OPCML: variants seen among roughly 807,000 people sequenced by gnomAD.
The protein encoded by OPCML is opioid binding protein/cell adhesion molecule like, also known as opioid-binding protein/cell adhesion molecule.
In OPCML, 13 loss-of-function variants were observed where a neutral mutation model predicts 37.8. The observed-to-expected ratio is 0.34, with a 90% CI of 0.22 to 0.55. The LOEUF is 0.55. OPCML is among the 20% of genes least tolerant of loss of function. The pLI, the probability that OPCML is intolerant of heterozygous loss-of-function variation, is 0.91. For synonymous variants in OPCML, 176 were observed against 168.8 expected (o/e 1.04, Z -0.33); for missense variants, 341 against 435.6 (o/e 0.78, Z 1.93).
chr11:133,446,614 A>G (rs547540642), intron 1 of OPCML, among the ~76,000 whole-genome samples: 1 of 152,284 alleles, frequency 6.6e-6, no homozygotes, highest in African/African-American at 2.4e-5. Context: ...GTAAATTTAT[A>G]GAGTTGTGCA....
At chr11:133,422,005 A>G in intron 1 of OPCML, 1 of 358,782 alleles carries the variant, frequency 2.8e-6, no homozygotes, top group South Asian at 1.1e-4. Flanking sequence ...TCTGGGGTAC[A>G]TGTGCAGAAT....
In OPCML at chr11:133,009,280, T is replaced by C. The variant is rs571782575; in HGVS notation, c.62-66270A>G. The C allele has an allele frequency of 2.4e-4, 227 of 965,100 alleles. 4 individuals are homozygous for C. The South Asian group carries it at 9.4e-3, about 40-fold the overall frequency. 59.8% of individuals were successfully genotyped at this position (965,100 alleles called of 1,614,324 possible). A position where few individuals can be genotyped will look rare whatever the true frequency, so the allele number is the denominator to read the frequency against. On this transcript the variant is annotated intron_variant, in intron 1 of 7. Transcript: ENST00000524381. ...ATACTTGCTTGTTAAAATGCAATGG[T>C]ACATATTTGGAAGAGCTGGCTAAGG...
intron 1 of OPCML, among the ~76,000 whole-genome samples, chr11:133,207,397 A>G (rs1467445806): frequency 2.0e-5 from 3 of 152,180 alleles, no homozygotes; most frequent in Non-Finnish European, 4.4e-5. Context: ...GGAGGGTAAC[A>G]ATTGAATATC....
intron 2 of OPCML, among the ~76,000 whole-genome samples, chr11:132,735,647 C>A (rs554200254): frequency 1.4e-4 from 21 of 152,036 alleles, no homozygotes; most frequent in Non-Finnish European, 2.6e-4. Flanking sequence ...CTACGCCCGA[C>A]TAATTTTTTG....
At chr11:132,868,388 G>A (rs758777896) in intron 2 of OPCML, among the ~76,000 whole-genome samples, 2 of 142,318 alleles carry the variant, frequency 1.4e-5, no homozygotes, top group Non-Finnish European at 3.0e-5. Flanking sequence ...AAAAGAAAAT[G>A]TTGTGAATTA....
chr11:133,434,828 A>ACG (rs1234881823), intron 1 of OPCML, among the ~76,000 whole-genome samples: 1 of 147,066 alleles, frequency 6.8e-6, no homozygotes, highest in Non-Finnish European at 1.5e-5. Flanking sequence ...ATATATACAC[A>ACG]CACATATATA....
chr11:132,439,826 G>C (rs933191735), intron 4 of OPCML, among the ~76,000 whole-genome samples: 4 of 151,786 alleles, frequency 2.6e-5, no homozygotes, highest in Non-Finnish European at 5.9e-5. Flanking sequence ...AAATTGCATT[G>C]CATTTAACCA....
At chr11:133,122,633 C>T (rs151282561) in intron 1 of OPCML, among the ~76,000 whole-genome samples, 1 of 152,096 alleles carries the variant, frequency 6.6e-6, no homozygotes, top group South Asian at 2.1e-4. Flanking sequence ...CACCTGGGCA[C>T]CTTTTTGTCA....
At chr11:133,469,422 C>T (rs1350841796) in intron 1 of OPCML, among the ~76,000 whole-genome samples, 1 of 152,120 alleles carries the variant, frequency 6.6e-6, no homozygotes, top group Non-Finnish European at 1.5e-5. Context: ...GGCTGTACCA[C>T]CTAGGTGTGT....
At chr11:132,855,868 C>A (rs990037753) in intron 2 of OPCML, among the ~76,000 whole-genome samples, 2 of 152,244 alleles carry the variant, frequency 1.3e-5, no homozygotes, top group Admixed American at 1.3e-4. Flanking sequence ...TCAGCCTCGA[C>A]ACCTGTGCTG....
chr11:132,897,535 A>G (rs1943896471), intron 2 of OPCML, among the ~76,000 whole-genome samples: 1 of 152,184 alleles, frequency 6.6e-6, no homozygotes, highest in Non-Finnish European at 1.5e-5. Flanking sequence ...ACCTGCACCT[A>G]TGGCCTTATG....
At chr11:133,384,961 G>A (rs961521070) in intron 1 of OPCML, among the ~76,000 whole-genome samples, 2 of 152,238 alleles carry the variant, frequency 1.3e-5, no homozygotes, top group African/African-American at 4.8e-5. Flanking sequence ...CACAGAGGCC[G>A]GCCAGATCCC....
At chr11:133,046,686 G>T (rs535863670) in intron 1 of OPCML, among the ~76,000 whole-genome samples, 1 of 152,134 alleles carries the variant, frequency 6.6e-6, no homozygotes. Flanking sequence ...CCCATACTGT[G>T]GTTCACTTGT....
intron 4 of OPCML, among the ~76,000 whole-genome samples, chr11:132,501,043 G>C (rs1165365833): frequency 6.6e-6 from 1 of 152,148 alleles, no homozygotes; most frequent in Non-Finnish European, 1.5e-5. Context: ...ATAGTAGAAT[G>C]ATTTATAATC....
In OPCML at chr11:132,416,420, C is replaced by T. The variant is rs1348657622; in HGVS notation, c.*3773G>A. 2 of 152,224 alleles carry T rather than the reference C, an allele frequency of 1.3e-5. No homozygotes were observed. The highest frequency in any genetic ancestry group is 2.9e-5 in the Non-Finnish European group (2 of 68,052). 9.4% of individuals were successfully genotyped at this position (152,224 alleles called of 1,614,324 possible). ...TGCCGCCACAGGGATAAGCTCTCGT[C>T]GGGGTTGCCTGCCCACTTTGGGGTT... is the stretch of plus-strand genomic sequence containing the variant. On this transcript the variant is annotated 3_prime_UTR_variant, in exon 8 of 8. Coordinates refer to ENST00000524381, the MANE Select transcript of OPCML (RefSeq NM_001012393.5).
intron 2 of OPCML, among the ~76,000 whole-genome samples, chr11:132,877,050 G>C (rs1320727191): frequency 4.6e-5 from 7 of 152,206 alleles, no homozygotes; most frequent in Admixed American, 4.6e-4. Flanking sequence ...TCACACGCAA[G>C]GGAAGCTGGT....
intron 1 of OPCML, among the ~76,000 whole-genome samples, chr11:133,314,470 A>C (rs997407916): frequency 1.3e-5 from 2 of 151,242 alleles, no homozygotes; most frequent in African/African-American, 4.9e-5. Flanking sequence ...TTTTTGCCCC[A>C]GAACCATGGA....
At chr11:132,921,894 T>A (rs1239271228) in intron 2 of OPCML, among the ~76,000 whole-genome samples, 3 of 152,120 alleles carry the variant, frequency 2.0e-5, no homozygotes, top group East Asian at 3.9e-4. Flanking sequence ...TACCTTTTTT[T>A]TTTGAGACAG....
At chr11:133,273,801 C>T (rs1377083676) in intron 1 of OPCML, among the ~76,000 whole-genome samples, 1 of 152,018 alleles carries the variant, frequency 6.6e-6, no homozygotes, top group African/African-American at 2.4e-5. Context: ...TGTCGCATTG[C>T]AAGCCAATGT....
Sources: gnomAD v4.1 joint callset for allele counts (sites outside exome capture counted in the v4.1 genomes callset) on GRCh38, gnomAD v4.1.1 for gene constraint, MANE v1.5 for transcripts, NCBI Gene and HGNC (gene_info 2026-07-23, HGNC 2026-07-21) for gene names.